The following PRKCQ variants were observed in gnomAD, a reference collection of about 807,000 sequenced individuals.
The protein encoded by PRKCQ is protein kinase C theta.
A neutral mutation model predicts 91.2 loss-of-function variants in PRKCQ; 41 were observed. That is an observed-to-expected ratio of 0.45 (90% confidence interval 0.35 to 0.58). The LOEUF (loss-of-function observed/expected upper bound fraction) is 0.58, where lower values mean the gene tolerates loss of function less well. Among genes scored for constraint, PRKCQ ranks in the 20% least tolerant of loss-of-function variants. PRKCQ has a pLI of 0.00. For synonymous variants in PRKCQ, 307 were observed against 316.9 expected, an observed-to-expected ratio of 0.97 and a Z score of 0.33; for missense variants, 673 against 896.5, an observed-to-expected ratio of 0.75 and a Z score of 3.18.
intron 13 of PRKCQ, among the ~76,000 whole-genome samples, chr10:6,463,094 G>A (rs532261643): frequency 6.6e-6 from 1 of 152,198 alleles, no homozygotes; most frequent in South Asian, 2.1e-4. Context: ...AGACCTGTAT[G>A]CACCATTCTG....
chr10:6,501,375 T>C (rs990395246), intron 4 of PRKCQ, among the ~76,000 whole-genome samples: 1 of 150,428 alleles, frequency 6.6e-6, no homozygotes, highest in Non-Finnish European at 1.5e-5. Flanking sequence ...GAAGGAAGAG[T>C]TGAGGATGTC....
At chr10:6,557,361 T>C (rs752357941) in intron 1 of PRKCQ, among the ~76,000 whole-genome samples, 13 of 152,186 alleles carry the variant, frequency 8.5e-5, no homozygotes, top group Non-Finnish European at 1.5e-4. Flanking sequence ...TCCAGAGACC[T>C]TTCTCTATAC....
intron 1 of PRKCQ, among the ~76,000 whole-genome samples, chr10:6,523,395 G>A (rs1839088535): frequency 1.3e-5 from 2 of 152,120 alleles, no homozygotes; most frequent in South Asian, 2.1e-4. Context: ...AGGCTGCAGT[G>A]AGCTGTGATT....
At chr10:6,428,458 G>A (rs980212763) in intron 17 of PRKCQ, 96 bp from the exon 18 acceptor site, 33 of 1,387,564 alleles carry the variant, frequency 2.4e-5, no homozygotes, top group East Asian at 2.3e-5. Flanking sequence ...ATCTGCGTAT[G>A]GCAAAGTTGG....
chr10:6,491,760 T>C lies in PRKCQ; in HGVS notation c.713A>G (p.Asn238Ser), dbSNP rs749018547. Residue 238 changes from asparagine to serine, a missense_variant, in exon 8 of 18, where the codon AAT becomes AGT. By Grantham distance (46) the Asn-to-Ser change is conservative. Coordinates refer to ENST00000263125, the MANE Select transcript of PRKCQ (RefSeq NM_006257.5). ...IDMPHRFKVY[N>S]YKSPTFCEHC... is the part of the protein sequence containing the mutation. ...TTCACAGAAGGTCGGGCTCTTGTAA[T>C]TGTAGACTTTAAATCTGTGTGGCAT... The C allele has an allele frequency of 6.2e-7, 1 of 1,614,230 alleles. No individual in the cohort carries two copies. Among genetic ancestry groups the C allele is most frequent in the South Asian group, 1.1e-5 (1 of 91,078 alleles).
upstream of PRKCQ, chr10:6,580,611 A>G (rs1313571152): frequency 1.3e-5 from 2 of 152,272 alleles, no homozygotes; most frequent in African/African-American, 4.8e-5. Flanking sequence ...CTCCGGCCAC[A>G]TTCTCAGAGT....
At chr10:6,547,668 T>C (rs1267461949) in intron 1 of PRKCQ, among the ~76,000 whole-genome samples, 5 of 150,762 alleles carry the variant, frequency 3.3e-5, no homozygotes, top group African/African-American at 7.3e-5. Context: ...CTGGGAAAAC[T>C]GGCTAGCCAT....
At chr10:6,453,408 A>T (rs1306267135) in intron 15 of PRKCQ, among the ~76,000 whole-genome samples, 1 of 152,254 alleles carries the variant, frequency 6.6e-6, no homozygotes, top group Admixed American at 6.5e-5. Context: ...ATCATTAAAA[A>T]GTCAGGAAAC....
chr10:6,404,413 TTC>T, the PRKCQ span, among the ~76,000 whole-genome samples: 1 of 150,636 alleles, frequency 6.6e-6, no homozygotes, highest in East Asian at 2.0e-4. Context: ...CCTTCTTTCT[TTC>T]TTTTTTCTCT....
intron 1 of PRKCQ, among the ~76,000 whole-genome samples, chr10:6,523,756 C>T (rs1839103104): frequency 6.6e-6 from 1 of 152,100 alleles, no homozygotes; most frequent in African/African-American, 2.4e-5. Flanking sequence ...ATAGATAGTC[C>T]CACTAAGGCA....
chr10:6,536,084 G>A (rs1259160675), intron 1 of PRKCQ, among the ~76,000 whole-genome samples: 2 of 152,200 alleles, frequency 1.3e-5, no homozygotes, highest in Non-Finnish European at 2.9e-5. Context: ...TGCGTGGGGA[G>A]GTTTGTGTGT....
At chr10:6,532,748 A>C (rs577389418) in intron 1 of PRKCQ, among the ~76,000 whole-genome samples, 1 of 152,348 alleles carries the variant, frequency 6.6e-6, no homozygotes, top group South Asian at 2.1e-4. Context: ...GCAAATAACT[A>C]ATAGGCAAGA....
At chr10:6,524,078 T>C (rs1351892781) in intron 1 of PRKCQ, among the ~76,000 whole-genome samples, 3 of 152,218 alleles carry the variant, frequency 2.0e-5, no homozygotes, top group African/African-American at 7.2e-5. Flanking sequence ...ATTCCTTCTG[T>C]TTCTGAGCTC....
chr10:6,531,400 G>A (rs1258480935), intron 1 of PRKCQ, among the ~76,000 whole-genome samples: 1 of 151,138 alleles, frequency 6.6e-6, no homozygotes. Flanking sequence ...CACAAATGGC[G>A]GGAGGGTGTG....
the PRKCQ span, among the ~76,000 whole-genome samples, chr10:6,404,255 GGAGA>G: frequency 6.4e-4 from 22 of 34,366 alleles, no homozygotes; most frequent in African/African-American, 1.5e-3. Context: ...GAAGGGGGGG[GGAGA>G]GAGAGAGAGA....
rs75852596 is a variant in PRKCQ, at chr10:6,555,035, T to C, written c.-10+25176A>G. Among the ~76,000 whole-genome samples the C allele has an allele frequency of 7.9e-3, 1,204 of 152,068 alleles. 10 individuals carry two copies. The highest frequency in any genetic ancestry group is 0.027 in the African/African-American group (1,131 of 41,432). On this transcript the variant is annotated intron_variant, in intron 1 of 17. Coordinates refer to ENST00000263125, the MANE Select transcript of PRKCQ (RefSeq NM_006257.5). ...AAGTGGTGAATGCAGGAACAGATAA[T>C]CAAATAATGCATATTCTCACTTAGA...
chr10:6,411,664 T>C, the PRKCQ span, among the ~76,000 whole-genome samples: 6 of 152,308 alleles, frequency 3.9e-5, no homozygotes, highest in Admixed American at 3.9e-4. Flanking sequence ...ACAGCAGGGT[T>C]GAGTAGTTGC....
chr10:6,408,324 G>A, the PRKCQ span, among the ~76,000 whole-genome samples: 1 of 152,118 alleles, frequency 6.6e-6, no homozygotes, highest in Admixed American at 6.5e-5. Flanking sequence ...CCAAACTCAG[G>A]TTTGATTGAT....
At chr10:6,565,709 G>A (rs1050034447) in intron 1 of PRKCQ, among the ~76,000 whole-genome samples, 6 of 152,162 alleles carry the variant, frequency 3.9e-5, no homozygotes, top group African/African-American at 7.2e-5. Flanking sequence ...GAAGAATCCC[G>A]GGAGGAAAGT....
Sources: allele counts gnomAD v4.1 joint callset (sites outside exome capture counted in the v4.1 genomes callset), GRCh38; gene constraint gnomAD v4.1.1; transcripts MANE v1.5; gene names NCBI Gene and HGNC (gene_info 2026-07-23, HGNC 2026-07-21).